The following LMX1A variants were observed in gnomAD, a reference collection of about 807,000 sequenced individuals.
LMX1A encodes LIM homeobox transcription factor 1-alpha.
LMX1A carries 15 observed loss-of-function variants against 49.1 expected under a neutral mutation model. That is an observed-to-expected ratio of 0.31 (90% CI 0.20 to 0.47). The LOEUF (loss-of-function observed/expected upper bound fraction) is 0.47. Among genes scored for constraint, LMX1A ranks in the 20% least tolerant of loss-of-function variants. LMX1A has a pLI of 1.00. For synonymous variants in LMX1A, 167 were observed against 185.7 expected (o/e 0.90, Z 0.82); for missense variants, 372 against 475.8 (o/e 0.78, Z 2.03).
chr1:165,320,818 T>C (rs1017147911), intron 3 of LMX1A, among the ~76,000 whole-genome samples: 10 of 152,222 alleles, frequency 6.6e-5, no homozygotes, highest in Admixed American at 6.5e-4. Context: ...GCTGCCTGAA[T>C]AGTAATTCCA....
At chr1:165,296,188 A>G (rs1654609922) in intron 3 of LMX1A, among the ~76,000 whole-genome samples, 1 of 152,232 alleles carries the variant, frequency 6.6e-6, no homozygotes, top group Non-Finnish European at 1.5e-5. Context: ...TGAGCACCAA[A>G]CATGCATGTT....
At chr1:165,313,294 T>C (rs1386106016) in intron 3 of LMX1A, among the ~76,000 whole-genome samples, 1 of 152,202 alleles carries the variant, frequency 6.6e-6, no homozygotes, top group African/African-American at 2.4e-5. Context: ...CCCAGCTTAA[T>C]GGCCTAGCTG....
intron 3 of LMX1A, among the ~76,000 whole-genome samples, chr1:165,300,289 C>T (rs944349979): frequency 6.6e-6 from 1 of 152,208 alleles, no homozygotes; most frequent in African/African-American, 2.4e-5. Context: ...GACCTGTTTA[C>T]TTAACTACCC....
intron 4 of LMX1A, among the ~76,000 whole-genome samples, chr1:165,214,134 G>T (rs1330851782): frequency 1.3e-5 from 2 of 152,190 alleles, no homozygotes; most frequent in Non-Finnish European, 2.9e-5. Flanking sequence ...TAATCTCCAC[G>T]TGTTGATGGA....
At chr1:165,341,379 G>T (rs1459083676) in intron 3 of LMX1A, among the ~76,000 whole-genome samples, 1 of 152,060 alleles carries the variant, frequency 6.6e-6, no homozygotes, top group East Asian at 1.9e-4. Flanking sequence ...CACTCATCCT[G>T]CAAGAGCCAG....
At chr1:165,208,413 C>T (rs967233792) in intron 6 of LMX1A, among the ~76,000 whole-genome samples, 10 of 152,182 alleles carry the variant, frequency 6.6e-5, no homozygotes, top group African/African-American at 2.4e-4. Flanking sequence ...ATAAAACTTG[C>T]TGCTTGTGGT....
chr1:165,332,253 T>C (rs1467929952), intron 3 of LMX1A, among the ~76,000 whole-genome samples: 1 of 151,796 alleles, frequency 6.6e-6, no homozygotes, highest in African/African-American at 2.4e-5. Flanking sequence ...AAATAAAAAG[T>C]AAATAGCAAA....
intron 4 of LMX1A, among the ~76,000 whole-genome samples, chr1:165,242,467 C>CAA (rs10624846): frequency 0.11 from 15,003 of 132,112 alleles, 947 homozygotes; most frequent in Admixed American, 0.15. Flanking sequence ...CATAAAAAAG[C>CAA]AAAAAAAAAA....
intron 3 of LMX1A, among the ~76,000 whole-genome samples, chr1:165,318,999 TCACACACACACACA>T (rs35582531): frequency 3.4e-5 from 4 of 117,754 alleles, no homozygotes; most frequent in Admixed American, 8.0e-5. Context: ...TCTCTCTCTC[TCACACACACACACA>T]CACACACACA....
At chr1:165,323,694 A>G (rs1423804652) in intron 3 of LMX1A, among the ~76,000 whole-genome samples, 3 of 152,130 alleles carry the variant, frequency 2.0e-5, no homozygotes, top group Admixed American at 2.0e-4. Context: ...CCCTCCCTTG[A>G]TCTACTTTTC....
rs193085389 is a variant in LMX1A, at chr1:165,221,209, T to C, written c.497-7396A>G. On this transcript the variant is annotated intron_variant, in intron 4 of 8. Transcript: ENST00000342310. ...CCAAGGATATGTGGTGCTTGCAAAATATCAGGTGCTGTCTAACTGCAGGCA... is the reference window on the plus strand; with the variant it reads ...CCAAGGATATGTGGTGCTTGCAAAACATCAGGTGCTGTCTAACTGCAGGCA... 2.0e-5 allele frequency among the ~76,000 whole-genome samples: 3 copies of C among 152,090 alleles called. No homozygotes were observed. In the East Asian group the frequency reaches 5.8e-4, roughly 30 times the overall value.
At chr1:165,263,838 C>A (rs1247060944) in intron 3 of LMX1A, among the ~76,000 whole-genome samples, 1 of 152,150 alleles carries the variant, frequency 6.6e-6, no homozygotes, top group East Asian at 1.9e-4. Context: ...TATATCACTG[C>A]CTAACTTAGC....
At chr1:165,321,419 CAAT>C (rs769649916) in intron 3 of LMX1A, among the ~76,000 whole-genome samples, 18 of 152,114 alleles carry the variant, frequency 1.2e-4, no homozygotes, top group Non-Finnish European at 2.5e-4. Context: ...AATTATATCT[CAAT>C]AAAACTACTA....
At chr1:165,350,776 G>A (rs1211333200) in intron 3 of LMX1A, among the ~76,000 whole-genome samples, 3 of 152,184 alleles carry the variant, frequency 2.0e-5, no homozygotes, top group Non-Finnish European at 4.4e-5. Flanking sequence ...GATGCCATGA[G>A]CTAAAGAGGA....
intron 4 of LMX1A, among the ~76,000 whole-genome samples, chr1:165,229,723 GT>G (rs66591531): frequency 0.28 from 42,476 of 151,800 alleles, 5,978 homozygotes; most frequent in African/African-American, 0.28. Context: ...GGGTTTTTTT[GT>G]TTTTTTGTTT....
chr1:165,224,568 C>A (rs1651969383), intron 4 of LMX1A, among the ~76,000 whole-genome samples: 1 of 152,180 alleles, frequency 6.6e-6, no homozygotes, highest in Non-Finnish European at 1.5e-5. Flanking sequence ...TTAGAATAAG[C>A]TTCCAGAAAA....
At chr1:165,266,595 C>CTT (rs61551654) in intron 3 of LMX1A, among the ~76,000 whole-genome samples, 17,851 of 79,164 alleles carry the variant, frequency 0.23, 3,272 homozygotes, top group Non-Finnish European at 0.28. Flanking sequence ...TTCTTTCTTT[C>CTT]TTTTTTTTTT....
chr1:165,340,052 A>G (rs1438301430), intron 3 of LMX1A, among the ~76,000 whole-genome samples: 1 of 152,120 alleles, frequency 6.6e-6, no homozygotes, highest in Non-Finnish European at 1.5e-5. Context: ...TTTTTACTAT[A>G]TAGCCTTTAT....
At chr1:165,236,867 T>TC (rs1652468210) in intron 4 of LMX1A, among the ~76,000 whole-genome samples, 1 of 147,268 alleles carries the variant, frequency 6.8e-6, no homozygotes, top group Non-Finnish European at 1.5e-5. Flanking sequence ...TTTTTTTTTT[T>TC]AGTACATAAG....
Sources: allele counts gnomAD v4.1 joint callset (sites outside exome capture counted in the v4.1 genomes callset), GRCh38; gene constraint gnomAD v4.1.1; transcripts MANE v1.5; gene names NCBI Gene and HGNC (gene_info 2026-07-23, HGNC 2026-07-21).